The following HDDC2 variants were observed in gnomAD, a reference collection of about 807,000 sequenced individuals.
The protein encoded by HDDC2 is HD domain containing 2.
Under a neutral mutation model 25.5 loss-of-function variants are expected in HDDC2, and 25 were observed. The observed-to-expected ratio is 0.98, with a 90% CI of 0.72 to 1.37. HDDC2 has a LOEUF of 1.37. Ranked by LOEUF, HDDC2 falls within the 40% of genes most tolerant of loss-of-function variation. The probability of loss-of-function intolerance (pLI) is 0.00; values close to 1 mark genes in which losing one functional copy is unlikely to be tolerated. For synonymous variants in HDDC2, 106 were observed against 89.7 expected, an observed-to-expected ratio of 1.18 and a Z score of -1.03; for missense variants, 264 against 253.1, an observed-to-expected ratio of 1.04 and a Z score of -0.29.
rs189102408 is a variant in HDDC2 at position 125,299,875 on chromosome 6, C to A, written c.206+663G>T. 2.0e-5 allele frequency among the ~76,000 whole-genome samples: 3 copies of A among 152,292 alleles called. No individual in the cohort carries two copies. The East Asian group carries it at 5.8e-4, about 29-fold the overall frequency. On this transcript the variant is annotated intron_variant, in intron 2 of 5. Transcript: ENST00000398153. Reference sequence around the variant, plus strand: ...TTCTCTCTGCATGCAGTGACTTCTCCTACCTCTCTGGCTACGTTAACCCTT... The same window carrying A: ...TTCTCTCTGCATGCAGTGACTTCTCATACCTCTCTGGCTACGTTAACCCTT...
chr6:125,278,522 C>A (rs1391337004), intron 4 of HDDC2: 1 of 152,092 alleles, frequency 6.6e-6, no homozygotes, highest in Non-Finnish European at 1.5e-5. Context: ...AATTTTCCCT[C>A]AAAAATTAAT....
intron 4 of HDDC2, among the ~76,000 whole-genome samples, chr6:125,281,259 G>A (rs573537424): frequency 9.9e-5 from 15 of 152,232 alleles, no homozygotes; most frequent in South Asian, 2.1e-4. Flanking sequence ...AAAAAACAGC[G>A]CAAAAAGGCT....
intron 4 of HDDC2, among the ~76,000 whole-genome samples, chr6:125,289,389 C>T (rs1026142852): frequency 1.5e-5 from 2 of 129,134 alleles, no homozygotes; most frequent in African/African-American, 3.2e-5. Flanking sequence ...CTAGATGACA[C>T]ATTAGTGGGT....
rs1374555050 is a variant in HDDC2, at chr6:125,300,612, C to G, written c.132G>C (p.Glu44Asp). 3.1e-6 allele frequency: 5 copies of G among 1,614,178 alleles called. No individual in the cohort carries two copies. The African/African-American group carries it at 5.3e-5, about 17-fold the overall frequency. ...GWVYRNVQRP[E>D]SVSDHMYRMA... Reference sequence around the variant, plus strand: ...TCCGGTACATGTGATCTGAAACGCTCTCCGGCCTCTGGACATTTCTGTATA... The same window carrying G: ...TCCGGTACATGTGATCTGAAACGCTGTCCGGCCTCTGGACATTTCTGTATA... Residue 44 changes from glutamate to aspartate, a missense_variant, in exon 2 of 6, where the codon GAG (glutamate) becomes GAC (aspartate). By Grantham distance (45) the Glu-to-Asp change is conservative. Coordinates refer to ENST00000398153, the MANE Select transcript of HDDC2 (RefSeq NM_016063.3).
intron 4 of HDDC2, among the ~76,000 whole-genome samples, chr6:125,286,353 T>C (rs1163832011): frequency 6.6e-6 from 1 of 152,190 alleles, no homozygotes; most frequent in African/African-American, 2.4e-5. Flanking sequence ...ATAACTCGGA[T>C]AGTACAGGCA....
At chr6:125,287,356 G>T (rs1216325409) in intron 4 of HDDC2, among the ~76,000 whole-genome samples, 1 of 152,174 alleles carries the variant, frequency 6.6e-6, no homozygotes, top group Non-Finnish European at 1.5e-5. Flanking sequence ...TTGGGGCAAA[G>T]AGAAGGGCTT....
Position 125,294,978 on chromosome 6 carries a change from T to C in HDDC2, c.310-2069A>G, listed in dbSNP as rs573993309. On this transcript the variant is annotated intron_variant, in intron 3 of 5. Coordinates refer to ENST00000398153, the MANE Select transcript of HDDC2 (RefSeq NM_016063.3). ...CTATGATTTTCTGAATCTAGGCTGA[T>C]TGATATTTGTTAATCACACAATCAG... Among the ~76,000 whole-genome samples, 26 of 152,384 alleles carry C rather than the reference T, an allele frequency of 1.7e-4. No individual in the cohort carries two copies. In the South Asian group the frequency reaches 5.2e-3, roughly 30 times the overall value.
At chr6:125,295,478 C>T (rs1277951853) in intron 3 of HDDC2, among the ~76,000 whole-genome samples, 1 of 150,952 alleles carries the variant, frequency 6.6e-6, no homozygotes, top group Admixed American at 6.6e-5. Context: ...CATTTGACCT[C>T]TTTGTCCTTC....
At position 125,275,396 on chromosome 6, in the gene HDDC2, G is replaced by C. The variant is rs1798352872; in HGVS notation, c.*750C>G. On this transcript the variant is annotated 3_prime_UTR_variant, in exon 6 of 6. Coordinates refer to ENST00000398153, the MANE Select transcript of HDDC2 (RefSeq NM_016063.3). The stretch of plus-strand genomic sequence containing the variant: ...GGAAAAGAGAGGAAGAAATCGGGTT[G>C]ATATATTCCCTACCTGAGGCTCAAT... 1 of 152,136 alleles carries C rather than the reference G, an allele frequency of 6.6e-6. No homozygotes were observed. The highest frequency in any genetic ancestry group is 2.1e-4 in the South Asian group (1 of 4,826). 9.4% of individuals were successfully genotyped at this position (152,136 alleles called of 1,614,324 possible). A position where few individuals can be genotyped will look rare whatever the true frequency, so the allele number is the denominator to read the frequency against.
At chr6:125,301,350 T>C (rs377132885) in intron 1 of HDDC2, among the ~76,000 whole-genome samples, 179 of 152,076 alleles carry the variant, frequency 1.2e-3, no homozygotes, top group African/African-American at 4.1e-3. Context: ...TTTCTGGAAG[T>C]AACTGTGAGA....
At chr6:125,286,269 AG>A (rs1562440473) in intron 4 of HDDC2, among the ~76,000 whole-genome samples, 1 of 152,244 alleles carries the variant, frequency 6.6e-6, no homozygotes, top group Non-Finnish European at 1.5e-5. Flanking sequence ...TGCAGTTAAA[AG>A]GAAAAGGTCA....
At chr6:125,298,524 C>T (rs915149157) in intron 3 of HDDC2, 190 bp downstream of exon 3, 4 of 592,340 alleles carry the variant, frequency 6.8e-6, no homozygotes, top group African/African-American at 5.6e-5. Context: ...TTGTCAGATC[C>T]ATCTTAATAT....
intron 5 of HDDC2, 194 bp from the exon 6 acceptor site, chr6:125,276,437 C>T (rs1479263128): frequency 3.5e-6 from 2 of 573,402 alleles, no homozygotes; most frequent in African/African-American, 1.9e-5. Context: ...GCTCTGTCAC[C>T]CCAGGTGCAA....
chr6:125,279,118 A>G (rs1798418713), intron 4 of HDDC2: 1 of 152,244 alleles, frequency 6.6e-6, no homozygotes, highest in South Asian at 2.1e-4. Context: ...TGTCTGATGG[A>G]CCTGAGAATA....
chr6:125,290,935 G>C (rs375983050), intron 4 of HDDC2, among the ~76,000 whole-genome samples: 1 of 152,232 alleles, frequency 6.6e-6, no homozygotes, highest in South Asian at 2.1e-4. Context: ...AGTAAATTTT[G>C]CAGTAAAGTT....
chr6:125,288,422 T>C (rs1022397653), intron 4 of HDDC2, among the ~76,000 whole-genome samples: 3 of 152,112 alleles, frequency 2.0e-5, no homozygotes, highest in African/African-American at 7.2e-5. Flanking sequence ...CGCAGCCTTC[T>C]GGTAGGACAG....
intron 2 of HDDC2, 41 bp downstream of exon 2, chr6:125,300,497 A>G (rs1798779317): frequency 6.2e-7 from 1 of 1,604,796 alleles, no homozygotes; most frequent in Admixed American, 1.7e-5. Flanking sequence ...ACACCCATAG[A>G]CCAGAATCTC....
chr6:125,293,254 T>C (rs547265778), intron 3 of HDDC2: 3 of 365,324 alleles, frequency 8.2e-6, no homozygotes, highest in Non-Finnish European at 1.6e-5. Flanking sequence ...CATACCCACA[T>C]ACATTTCAAT....
rs771247711 is a variant in HDDC2, at chr6:125,276,099, T to C, written c.*47A>G. 4.5e-6 allele frequency: 6 copies of C among 1,326,508 alleles called. No homozygotes were observed. Among genetic ancestry groups the C allele is most frequent in the Non-Finnish European group, 6.5e-6 (6 of 923,516 alleles). The allele number at this position is 1,326,508 out of a possible 1,614,324, so 82.2% of individuals were successfully genotyped here. A position where few individuals can be genotyped will look rare whatever the true frequency, so the allele number is the denominator to read the frequency against. ...AATGGCAAAACACAATACAATGAAA[T>C]GGAAAAATAATGTTTGTTACAGGAG... On this transcript the variant is annotated 3_prime_UTR_variant, in exon 6 of 6. Coordinates refer to ENST00000398153, the MANE Select transcript of HDDC2 (RefSeq NM_016063.3).
Sources: allele counts gnomAD v4.1 joint callset (sites outside exome capture counted in the v4.1 genomes callset), GRCh38; gene constraint gnomAD v4.1.1; transcripts MANE v1.5; gene names NCBI Gene and HGNC (gene_info 2026-07-23, HGNC 2026-07-21).